The following PDLIM3 variants were observed in gnomAD, a reference collection of about 807,000 sequenced individuals.
PDLIM3 encodes the protein PDZ and LIM domain 3, also known as PDZ and LIM domain protein 3.
A neutral mutation model predicts 37.3 loss-of-function variants in PDLIM3; 36 were observed. The ratio of observed to expected loss-of-function variants is 0.97; its 90% CI spans 0.74 to 1.28. PDLIM3 has a LOEUF of 1.28. Ranked by LOEUF, PDLIM3 falls within the 50% of genes most tolerant of loss-of-function variation. The pLI is 0.00. For synonymous variants in PDLIM3, 174 were observed against 182.4 expected, an observed-to-expected ratio of 0.95 and a Z score of 0.37; for missense variants, 454 against 485.0, an observed-to-expected ratio of 0.94 and a Z score of 0.60.
intron 3 of PDLIM3, among the ~76,000 whole-genome samples, chr4:185,518,940 A>G (rs905768490): frequency 6.6e-6 from 1 of 152,190 alleles, no homozygotes; most frequent in South Asian, 2.1e-4. Flanking sequence ...TTCTGAAAGC[A>G]TCTTTCTTGT....
Position 185,514,498 on chromosome 4 carries a change from C to T in PDLIM3, c.331-161G>A. On this transcript the variant is annotated intron_variant, in intron 3 of 7. Transcript: ENST00000284767. The surrounding 1 kb of genome is among the most constrained non-coding windows in gnomAD (Gnocchi z 4.0). Reference sequence around the variant, plus strand: ...ACCAGGACGATGTCTTCTTTCCAACCATCTATCCGCTAAACGGTCAGGCAC... The same window carrying T: ...ACCAGGACGATGTCTTCTTTCCAACTATCTATCCGCTAAACGGTCAGGCAC... 1 of 1,450,376 alleles carries T rather than the reference C, an allele frequency of 6.9e-7. No individual in the cohort carries two copies. The highest frequency in any genetic ancestry group is 2.4e-5 in the East Asian group (1 of 41,092). 89.8% of individuals were successfully genotyped at this position (1,450,376 alleles called of 1,614,324 possible).
Position 185,514,564 on chromosome 4 carries a change from T to A in PDLIM3, c.331-227A>T, listed in dbSNP as rs952496847. ...CACAACAATTAGAACATGTTTTAGATGCTTGTCTTTAAAAGAGAAATCTGA... is the reference window on the plus strand; with the variant it reads ...CACAACAATTAGAACATGTTTTAGAAGCTTGTCTTTAAAAGAGAAATCTGA... On this transcript the variant is annotated intron_variant, in intron 3 of 7. Transcript: ENST00000284767. This position sits in a 1 kb window ranked among gnomAD's most constrained non-coding sequence, Gnocchi z 4.0. 1.1e-5 allele frequency: 13 copies of A among 1,220,712 alleles called. No homozygotes were observed. The highest frequency in any genetic ancestry group is 1.4e-5 in the Non-Finnish European group (12 of 879,574). The allele number at this position is 1,220,712 out of a possible 1,614,324, so 75.6% of individuals were successfully genotyped here.
In PDLIM3 at chr4:185,504,405, G is replaced by T; in HGVS notation, c.905+70C>A. On this transcript the variant is annotated intron_variant, in intron 7 of 7. Transcript: ENST00000284767. The surrounding 1 kb of genome is among the most constrained non-coding windows in gnomAD (Gnocchi z 4.7). ...TTCACAGTTGCCTTTAGTCTATAAA[G>T]TCTTAAAGGAGAAGAAATGAACTGT... 7.7e-7 allele frequency: 1 copy of T among 1,296,770 alleles called. No homozygotes were observed. Among genetic ancestry groups the T allele is most frequent in the Non-Finnish European group, 1.1e-6 (1 of 905,204 alleles). 80.3% of individuals were successfully genotyped at this position (1,296,770 alleles called of 1,614,324 possible).
chr4:185,513,158 C>T (rs1362799204), intron 4 of PDLIM3: 75 of 983,642 alleles, frequency 7.6e-5, no homozygotes, highest in Non-Finnish European at 8.9e-5. Context: ...CCTGCAGACA[C>T]TGAGCTCACG....
intron 3 of PDLIM3, among the ~76,000 whole-genome samples, chr4:185,519,790 C>G (rs2095720444): frequency 6.6e-6 from 1 of 152,072 alleles, no homozygotes; most frequent in African/African-American, 2.4e-5. Flanking sequence ...ATTCCAATGT[C>G]AAAGGTCACA....
chr4:185,524,479 G>A (rs967857775), intron 2 of PDLIM3, among the ~76,000 whole-genome samples: 5 of 152,188 alleles, frequency 3.3e-5, no homozygotes, highest in African/African-American at 1.2e-4. Context: ...TTTGGGGGGT[G>A]GGGTCAGAAA....
intron 1 of PDLIM3, among the ~76,000 whole-genome samples, chr4:185,526,632 A>G (rs1003649930): frequency 6.6e-6 from 1 of 152,178 alleles, no homozygotes; most frequent in Non-Finnish European, 1.5e-5. Flanking sequence ...TCCCAACTAT[A>G]CACCTCTGTC....
intron 2 of PDLIM3, among the ~76,000 whole-genome samples, chr4:185,524,035 G>C (rs1436917414): frequency 6.6e-6 from 1 of 151,610 alleles, no homozygotes; most frequent in Non-Finnish European, 1.5e-5. Flanking sequence ...AACAGGAGAG[G>C]GAGACTCTGC....
At chr4:185,524,578 GCAGA>G (rs2095729447) in intron 2 of PDLIM3, among the ~76,000 whole-genome samples, 1 of 152,148 alleles carries the variant, frequency 6.6e-6, no homozygotes, top group African/African-American at 2.4e-5. Flanking sequence ...ACAGCCAATG[GCAGA>G]CAGGATATTA....
chr4:185,535,158 C>T (rs1194622001), intron 1 of PDLIM3, among the ~76,000 whole-genome samples, 184 bp downstream of exon 1: 4 of 152,184 alleles, frequency 2.6e-5, no homozygotes, highest in African/African-American at 9.7e-5. Flanking sequence ...AGCCGCTCCG[C>T]AGCCACTTGA....
intron 1 of PDLIM3, among the ~76,000 whole-genome samples, chr4:185,533,934 C>G (rs1229985067): frequency 6.6e-6 from 1 of 152,016 alleles, no homozygotes; most frequent in Non-Finnish European, 1.5e-5. Context: ...AAATAAAAAC[C>G]ATACTCCAGA....
intron 2 of PDLIM3, 108 bp from the exon 3 acceptor site, chr4:185,523,554 C>T (rs904703063): frequency 3.1e-5 from 20 of 639,246 alleles, no homozygotes; most frequent in Non-Finnish European, 4.5e-5. Flanking sequence ...ACCTCACTAA[C>T]TTATGCAAAA....
At chr4:185,517,587 G>A (rs367882178) in intron 3 of PDLIM3, 1 of 151,364 alleles carries the variant, frequency 6.6e-6, no homozygotes, top group Admixed American at 6.6e-5. Flanking sequence ...TTTCTAAATA[G>A]CAGCATGTAA....
intron 4 of PDLIM3, chr4:185,513,574 C>T (rs1048692325): frequency 2.0e-6 from 2 of 985,428 alleles, no homozygotes; most frequent in African/African-American, 3.5e-5. Flanking sequence ...ATAAATCCAC[C>T]TATGGGCCAT....
intron 1 of PDLIM3, among the ~76,000 whole-genome samples, chr4:185,534,920 G>A (rs918869224): frequency 2.0e-5 from 3 of 152,222 alleles, no homozygotes; most frequent in Non-Finnish European, 4.4e-5. Context: ...GGGAATGCCG[G>A]GGGGTGCCAG....
chr4:185,502,568 A>AC, intron 7 of PDLIM3, 85 bp from the exon 8 acceptor site: 1 of 1,246,680 alleles, frequency 8.0e-7, no homozygotes. Flanking sequence ...GAGAAGGCAG[A>AC]TGTTCTCTAT....
In PDLIM3 at chr4:185,504,618, G is replaced by T; in HGVS notation, c.794-32C>A. The stretch of plus-strand genomic sequence containing the variant: ...AACAAAGCGTTTCCATTTATGGCTA[G>T]GGAACAGCTGGCCGCAGCCTGTGCT... On this transcript the variant is annotated intron_variant, in intron 6 of 7. Transcript: ENST00000284767. This position sits in a 1 kb window ranked among gnomAD's most constrained non-coding sequence, Gnocchi z 4.7. The T allele has an allele frequency of 6.5e-7, 1 of 1,547,628 alleles. No homozygotes were observed. Among genetic ancestry groups the T allele is most frequent in the Non-Finnish European group, 8.9e-7 (1 of 1,122,734 alleles).
chr4:185,516,056 A>C (rs1469548204), intron 3 of PDLIM3: 1 of 143,066 alleles, frequency 7.0e-6, no homozygotes, highest in Non-Finnish European at 1.5e-5. Flanking sequence ...GTGTGCCACC[A>C]CACCCAGATA....
At position 185,526,174 on chromosome 4, in the gene PDLIM3, G is replaced by A. The variant is rs184236189; in HGVS notation, c.94-1003C>T. Among the ~76,000 whole-genome samples, 131 of 152,298 alleles carry A rather than the reference G, an allele frequency of 8.6e-4. 1 individual carries two copies. Among genetic ancestry groups the A allele is most frequent in the African/African-American group, 3.0e-3 (125 of 41,560 alleles). Reference sequence around the variant, plus strand: ...CATACTAGCTGTTATGAAGAATTCAGCTAAAATTATTAACAAATTGCTAAA... The same window carrying A: ...CATACTAGCTGTTATGAAGAATTCAACTAAAATTATTAACAAATTGCTAAA... On this transcript the variant is annotated intron_variant, in intron 1 of 7. Coordinates refer to ENST00000284767, the MANE Select transcript of PDLIM3 (RefSeq NM_014476.6).
Sources: allele counts gnomAD v4.1 joint callset (sites outside exome capture counted in the v4.1 genomes callset), GRCh38; gene constraint gnomAD v4.1.1; non-coding constraint Gnocchi (gnomAD v3.1); transcripts MANE v1.5; gene names NCBI Gene and HGNC (gene_info 2026-07-23, HGNC 2026-07-21).